RBMS1: variants seen among roughly 807,000 people sequenced by gnomAD.
RBMS1 encodes the protein RNA-binding motif, single-stranded-interacting protein 1.
A neutral mutation model predicts 62.3 loss-of-function variants in RBMS1; 17 were observed. The ratio of observed to expected loss-of-function variants is 0.27; its 90% CI spans 0.19 to 0.41. The LOEUF (loss-of-function observed/expected upper bound fraction) is 0.41. Ranked by LOEUF, RBMS1 falls within the 10% of genes least tolerant of loss-of-function variation. The pLI is 1.00. For missense variants in RBMS1, 334 were observed against 504.5 expected (o/e 0.66, Z 3.24); for synonymous variants, 172 against 170.0 (o/e 1.01, Z -0.09).
At chr2:160,305,162 T>G (rs1689433813) in intron 4 of RBMS1, among the ~76,000 whole-genome samples, 1 of 152,138 alleles carries the variant, frequency 6.6e-6, no homozygotes, top group Non-Finnish European at 1.5e-5. Context: ...CAGAAAGAAA[T>G]TTTTTAAAAT....
At chr2:160,411,191 A>T (rs1696017215) in intron 1 of RBMS1, among the ~76,000 whole-genome samples, 1 of 152,166 alleles carries the variant, frequency 6.6e-6, no homozygotes, top group African/African-American at 2.4e-5. Context: ...CCTGGCTGGG[A>T]CTGAAAAAAT....
intron 2 of RBMS1, among the ~76,000 whole-genome samples, chr2:160,323,525 A>C (rs971651818): frequency 1.3e-5 from 2 of 151,590 alleles, no homozygotes; most frequent in African/African-American, 4.9e-5. Context: ...GTACTAGGAG[A>C]AACAGGTCTC....
rs138602560 is a variant in RBMS1, at chr2:160,305,566, A to T, written c.403-2079T>A. ...TGATGACAAAATCACCTAACAATGC[A>T]TTCACCAGAATATATCCCCGTCATT... On this transcript the variant is annotated intron_variant, in intron 4 of 13. Transcript: ENST00000348849. 3.2e-4 allele frequency among the ~76,000 whole-genome samples: 48 copies of T among 152,300 alleles called. No homozygotes were observed. The East Asian group carries it at 9.1e-3, about 29-fold the overall frequency.
chr2:160,284,912 GAAT>G, intron 8 of RBMS1, 44 bp from the exon 9 acceptor site: 1 of 1,566,984 alleles, frequency 6.4e-7, no homozygotes, highest in Non-Finnish European at 8.8e-7. Flanking sequence ...CCTTTAAATA[GAAT>G]AATTCATGGA....
intron 1 of RBMS1, among the ~76,000 whole-genome samples, chr2:160,404,697 T>G (rs559405160): frequency 6.6e-5 from 10 of 152,346 alleles, no homozygotes; most frequent in African/African-American, 2.4e-4. Context: ...TTAAGAGTTG[T>G]ACAATCATTC....
chr2:160,404,812 C>G (rs931378489), intron 1 of RBMS1, among the ~76,000 whole-genome samples: 1 of 152,210 alleles, frequency 6.6e-6, no homozygotes, highest in Non-Finnish European at 1.5e-5. Context: ...CAAGTTCTCC[C>G]TCCCCAAAAA....
chr2:160,469,750 T>C (rs1031725152), intron 1 of RBMS1, among the ~76,000 whole-genome samples: 1 of 152,142 alleles, frequency 6.6e-6, no homozygotes, highest in African/African-American at 2.4e-5. Context: ...TGAGATAACA[T>C]AGAATTACAG....
chr2:160,329,399 C>T (rs1025631729), intron 2 of RBMS1, among the ~76,000 whole-genome samples: 1 of 152,096 alleles, frequency 6.6e-6, no homozygotes, highest in African/African-American at 2.4e-5. Context: ...GCTGTAAGAG[C>T]GGATCTGATG....
intron 1 of RBMS1, among the ~76,000 whole-genome samples, chr2:160,400,335 G>T (rs1019237954): frequency 2.4e-5 from 3 of 127,470 alleles, no homozygotes; most frequent in Non-Finnish European, 3.4e-5. Context: ...AAAAACGAAA[G>T]AAACAAAATG....
At chr2:160,438,814 C>T (rs541139525) in intron 1 of RBMS1, among the ~76,000 whole-genome samples, 2,268 of 152,202 alleles carry the variant, frequency 0.015, 74 homozygotes, top group African/African-American at 0.052. Flanking sequence ...CAGAGGGGCT[C>T]CTCACTTCCC....
At chr2:160,350,498 T>C (rs1436126531) in intron 2 of RBMS1, among the ~76,000 whole-genome samples, 21 of 151,934 alleles carry the variant, frequency 1.4e-4, no homozygotes, top group Admixed American at 1.4e-3. Flanking sequence ...ACAACAGATA[T>C]ATCATTACTG....
intron 2 of RBMS1, among the ~76,000 whole-genome samples, chr2:160,350,801 C>T (rs1359098694): frequency 2.0e-5 from 3 of 152,112 alleles, no homozygotes; most frequent in Non-Finnish European, 4.4e-5. Context: ...GTGAATAGTG[C>T]TGCAATAAAC....
intron 10 of RBMS1, chr2:160,279,856 A>G (rs1467742471): frequency 2.6e-5 from 4 of 152,210 alleles, no homozygotes; most frequent in African/African-American, 9.6e-5. Flanking sequence ...ATCCTCAGAT[A>G]GCAACCTTCT....
intron 1 of RBMS1, among the ~76,000 whole-genome samples, chr2:160,449,441 AAAG>A (rs1329883269): frequency 1.3e-5 from 2 of 152,250 alleles, no homozygotes; most frequent in African/African-American, 4.8e-5. Flanking sequence ...GTCTGTGTAG[AAAG>A]AAGTAGACAT....
At position 160,377,090 on chromosome 2, in the gene RBMS1, G is replaced by GTT. The variant is rs138453540; in HGVS notation, c.76-9701_76-9700dup. Among the ~76,000 whole-genome samples the GTT allele has an allele frequency of 2.6e-3, 382 of 148,344 alleles. 1 individual carries two copies. Among genetic ancestry groups the GTT allele is most frequent in the Middle Eastern group, 6.9e-3 (2 of 290 alleles). On this transcript the variant is annotated intron_variant, in intron 1 of 13. Coordinates refer to ENST00000348849, the MANE Select transcript of RBMS1 (RefSeq NM_016836.4). ...ACTGCCTGAGAATGGGGCTTGCTGG[G>GTT]TTTTTTTTTTAACATTTTCGTCCAA...
intron 2 of RBMS1, chr2:160,366,876 G>T: frequency 5.5e-6 from 1 of 180,620 alleles, no homozygotes; most frequent in South Asian, 1.2e-4. Flanking sequence ...AGGATAGACC[G>T]GCCCTCAGAG....
chr2:160,313,143 G>A lies in RBMS1; in HGVS notation c.402+13C>T, dbSNP rs1276843695. On this transcript the variant is annotated intron_variant, in intron 4 of 13. Coordinates refer to ENST00000348849, the MANE Select transcript of RBMS1 (RefSeq NM_016836.4). ...CTGTGGAACAGAGAAGCAATTGCTG[G>A]CTCTCAACTCACCTTTGCCATTTGA... 1 of 1,611,226 alleles carries A rather than the reference G, an allele frequency of 6.2e-7. No homozygotes were observed. The highest frequency in any genetic ancestry group is 1.3e-5 in the African/African-American group (1 of 74,822).
At chr2:160,330,120 T>TC (rs1691173872) in intron 2 of RBMS1, among the ~76,000 whole-genome samples, 1 of 152,106 alleles carries the variant, frequency 6.6e-6, no homozygotes, top group East Asian at 1.9e-4. Context: ...GGTGAGAAAA[T>TC]CAGGGCTGCT....
chr2:160,452,477 CAT>C (rs1422298136), intron 1 of RBMS1, among the ~76,000 whole-genome samples: 1 of 152,188 alleles, frequency 6.6e-6, no homozygotes, highest in African/African-American at 2.4e-5. Context: ...CATAATACAA[CAT>C]AAATGCTATG....
Sources: gnomAD v4.1 joint callset for allele counts (sites outside exome capture counted in the v4.1 genomes callset) on GRCh38, gnomAD v4.1.1 for gene constraint, MANE v1.5 for transcripts, NCBI Gene and HGNC (gene_info 2026-07-23, HGNC 2026-07-21) for gene names.